WWOX: variants seen among roughly 807,000 people sequenced by gnomAD.
The protein encoded by WWOX is WW domain-containing oxidoreductase.
A neutral mutation model predicts 46.2 loss-of-function variants in WWOX; 69 were observed. That is an observed-to-expected ratio of 1.49 (90% confidence interval 1.23 to 1.82). The LOEUF is 1.82. WWOX is among the 40% of genes most tolerant of loss of function. The probability of loss-of-function intolerance (pLI) is 0.00; values close to 1 mark genes in which losing one functional copy is unlikely to be tolerated. For synonymous variants in WWOX, 359 were observed against 202.6 expected, an observed-to-expected ratio of 1.77 and a Z score of -6.56; for missense variants, 919 against 542.6, an observed-to-expected ratio of 1.69 and a Z score of -6.89.
At position 79,020,142 on chromosome 16, in the gene WWOX, T is replaced by G. The variant is rs28653738; in HGVS notation, c.1057-191466T>G. ...ATGCTAGATCTCTCCCTGGGGAGAG[T>G]GCTTGTCTTTGAAACAGTCAAAGGA... On this transcript the variant is annotated intron_variant, in intron 8 of 8. Transcript: ENST00000566780. Among the ~76,000 whole-genome samples, 989 of 151,864 alleles carry G rather than the reference T, an allele frequency of 6.5e-3. 16 individuals carry two copies. The highest frequency in any genetic ancestry group is 0.022 in the African/African-American group (903 of 41,372).
rs189181244 is a variant in WWOX, at chr16:78,444,720, C to T, written c.1056+11968C>T. On this transcript the variant is annotated intron_variant, in intron 8 of 8. Transcript: ENST00000566780. ...TAATTTTTTGTATTCTTAGTAGAGA[C>T]GAGGTTTCACGGTGTTAGCCAGGAT... Among the ~76,000 whole-genome samples the T allele has an allele frequency of 9.3e-4, 141 of 151,850 alleles. 2 individuals are homozygous for T. The highest frequency in any genetic ancestry group is 7.3e-3 in the Admixed American group (111 of 15,240).
chr16:78,930,269 TTCTCTCTTTC>T lies in WWOX; in HGVS notation c.1057-281337_1057-281328del, dbSNP rs1423814414. On this transcript the variant is annotated intron_variant, in intron 8 of 8. Transcript: ENST00000566780. ...TTCCTTCCTTCCTTCCTTCCTTCCT[TTCTCTCTTTC>T]TTTTTTTATTTTTTTTTTCAGACAG... Among the ~76,000 whole-genome samples the T allele has an allele frequency of 7.8e-3, 913 of 117,140 alleles. 43 individuals carry two copies. Among genetic ancestry groups the T allele is most frequent in the Middle Eastern group, 0.013 (3 of 238 alleles). 76.8% of individuals were successfully genotyped at this position (117,140 alleles called of 152,430 possible).
At chr16:79,161,576 G>A (rs1398021702) in intron 8 of WWOX, among the ~76,000 whole-genome samples, 1 of 152,140 alleles carries the variant, frequency 6.6e-6, no homozygotes, top group Non-Finnish European at 1.5e-5. Context: ...AGGCTGGAGT[G>A]CAGTGGCGTG....
chr16:78,613,950 T>C (rs1323494716), intron 8 of WWOX, among the ~76,000 whole-genome samples: 1 of 152,242 alleles, frequency 6.6e-6, no homozygotes, highest in Non-Finnish European at 1.5e-5. Flanking sequence ...CCTGTTGGTT[T>C]ACGTACTGCG....
chr16:78,254,290 G>C (rs904249944), intron 5 of WWOX, among the ~76,000 whole-genome samples: 2 of 151,798 alleles, frequency 1.3e-5, no homozygotes, highest in African/African-American at 4.8e-5. Flanking sequence ...TCATTATGTT[G>C]CCAGGGCTAG....
chr16:78,993,411 C>G (rs377293751), intron 8 of WWOX, among the ~76,000 whole-genome samples: 5 of 152,126 alleles, frequency 3.3e-5, no homozygotes, highest in African/African-American at 1.2e-4. Context: ...GGGACTCTGC[C>G]TCGCCTCTCC....
At chr16:79,156,547 G>A (rs2050385617) in intron 8 of WWOX, among the ~76,000 whole-genome samples, 1 of 152,126 alleles carries the variant, frequency 6.6e-6, no homozygotes, top group Non-Finnish European at 1.5e-5. Flanking sequence ...AGGAAAATTA[G>A]GAATTCTTAA....
chr16:78,215,563 T>C (rs2036692264), intron 5 of WWOX, among the ~76,000 whole-genome samples: 3 of 152,210 alleles, frequency 2.0e-5, no homozygotes, highest in Admixed American at 1.3e-4. Context: ...CATGCGGAAC[T>C]GTGAGTCAAT....
chr16:78,911,205 G>C (rs531327164), intron 8 of WWOX, among the ~76,000 whole-genome samples: 3 of 151,934 alleles, frequency 2.0e-5, no homozygotes, highest in African/African-American at 7.2e-5. Context: ...TTATCAAAAA[G>C]GATCTTTGAT....
At chr16:78,590,463 GATAA>G (rs1247358215) in intron 8 of WWOX, among the ~76,000 whole-genome samples, 1 of 152,180 alleles carries the variant, frequency 6.6e-6, no homozygotes, top group Admixed American at 6.5e-5. Context: ...GCTGCTCACT[GATAA>G]ATAAATAGGA....
intron 8 of WWOX, among the ~76,000 whole-genome samples, chr16:79,097,470 A>T (rs1047217504): frequency 6.6e-6 from 1 of 152,112 alleles, no homozygotes; most frequent in African/African-American, 2.4e-5. Context: ...CACACATTAC[A>T]AAAGCAAAAT....
intron 8 of WWOX, among the ~76,000 whole-genome samples, chr16:79,067,705 G>A (rs973170845): frequency 6.6e-6 from 1 of 152,262 alleles, no homozygotes; most frequent in South Asian, 2.1e-4. Flanking sequence ...TTTCCCGCAA[G>A]AAGGTAAACT....
At chr16:78,797,191 A>G (rs1481465292) in intron 8 of WWOX, among the ~76,000 whole-genome samples, 1 of 152,024 alleles carries the variant, frequency 6.6e-6, no homozygotes, top group Non-Finnish European at 1.5e-5. Flanking sequence ...TGGATGTGGA[A>G]GAAATGACAT....
chr16:78,687,176 G>A (rs900206402), intron 8 of WWOX, among the ~76,000 whole-genome samples: 2 of 152,018 alleles, frequency 1.3e-5, no homozygotes, highest in African/African-American at 4.8e-5. Context: ...TATTTACACT[G>A]TTCAACACAG....
intron 8 of WWOX, among the ~76,000 whole-genome samples, chr16:79,132,843 C>T (rs1411143525): frequency 6.6e-6 from 1 of 152,256 alleles, no homozygotes; most frequent in African/African-American, 2.4e-5. Flanking sequence ...CCAAGAGAAA[C>T]AGCTTTAATT....
At chr16:78,547,606 A>G (rs2044072026) in intron 8 of WWOX, among the ~76,000 whole-genome samples, 1 of 152,174 alleles carries the variant, frequency 6.6e-6, no homozygotes, top group Non-Finnish European at 1.5e-5. Context: ...TAAACACCTG[A>G]AATCTATTTC....
At chr16:78,314,564 G>A (rs1291771861) in intron 5 of WWOX, among the ~76,000 whole-genome samples, 2 of 140,062 alleles carry the variant, frequency 1.4e-5, no homozygotes, top group Non-Finnish European at 3.0e-5. Flanking sequence ...TGCTCTTGTC[G>A]CCCAGGCTGG....
intron 8 of WWOX, among the ~76,000 whole-genome samples, chr16:78,910,885 C>G (rs981898694): frequency 6.6e-6 from 1 of 151,924 alleles, no homozygotes; most frequent in Non-Finnish European, 1.5e-5. Context: ...GGGACACAGC[C>G]AAACCATATC....
chr16:78,852,167 T>C (rs558683896), intron 8 of WWOX, among the ~76,000 whole-genome samples: 25 of 152,198 alleles, frequency 1.6e-4, no homozygotes, highest in Admixed American at 3.3e-4. Context: ...TGGCACTGTC[T>C]AGAGAAAGGG....
Sources: gnomAD v4.1 joint callset for allele counts (sites outside exome capture counted in the v4.1 genomes callset) on GRCh38, gnomAD v4.1.1 for gene constraint, MANE v1.5 for transcripts, NCBI Gene and HGNC (gene_info 2026-07-23, HGNC 2026-07-21) for gene names.